The following TENM3 variants were observed in gnomAD, a reference collection of about 807,000 sequenced individuals.
The protein encoded by TENM3 is teneurin-3.
TENM3 carries 63 observed loss-of-function variants against 255.1 expected under a neutral mutation model. That is an observed-to-expected ratio of 0.25 (90% CI 0.20 to 0.30). The LOEUF (loss-of-function observed/expected upper bound fraction) is 0.30, where lower values mean the gene tolerates loss of function less well. Among genes scored for constraint, TENM3 ranks in the 10% least tolerant of loss-of-function variants. The probability of loss-of-function intolerance (pLI) is 1.00; values close to 1 mark genes in which losing one functional copy is unlikely to be tolerated. For missense variants in TENM3, 2,929 were observed against 3,461.1 expected (o/e 0.85, Z 3.86); for synonymous variants, 1,306 against 1,322.3 (o/e 0.99, Z 0.27).
the TENM3 span, among the ~76,000 whole-genome samples, chr4:181,577,987 T>C: frequency 6.6e-6 from 1 of 152,156 alleles, no homozygotes; most frequent in Non-Finnish European, 1.5e-5. Flanking sequence ...TGCTCTTTCA[T>C]GTTGATGAGC....
intron 22 of TENM3, among the ~76,000 whole-genome samples, chr4:182,755,629 A>G (rs1052669891): frequency 1.1e-4 from 16 of 152,080 alleles, no homozygotes; most frequent in Non-Finnish European, 2.2e-4. Context: ...ACGAGGTCAG[A>G]AGATCGAGAC....
At chr4:182,356,938 A>G (rs987481744) in intron 3 of TENM3, among the ~76,000 whole-genome samples, 6 of 141,826 alleles carry the variant, frequency 4.2e-5, no homozygotes, top group South Asian at 2.2e-4. Context: ...TCATTGTTCA[A>G]TTCTCACCTA....
chr4:182,680,777 C>A, intron 10 of TENM3, 40 bp downstream of exon 10: 2 of 1,392,128 alleles, frequency 1.4e-6, no homozygotes, highest in South Asian at 1.6e-5. Context: ...TTGTTATCTT[C>A]ATAAAGAAAC....
At chr4:182,308,450 A>G (rs1410982833) in intron 1 of TENM3, among the ~76,000 whole-genome samples, 8 of 151,844 alleles carry the variant, frequency 5.3e-5, no homozygotes, top group Non-Finnish European at 5.9e-5. Flanking sequence ...CTGAGTAGCT[A>G]GGCCTACAGG....
At chr4:182,394,591 T>C (rs555829886) in intron 3 of TENM3, among the ~76,000 whole-genome samples, 1 of 152,354 alleles carries the variant, frequency 6.6e-6, no homozygotes, top group Admixed American at 6.5e-5. Flanking sequence ...CACAAAGTTC[T>C]AAGTTTTTGT....
intron 4 of TENM3, among the ~76,000 whole-genome samples, chr4:182,613,322 A>G (rs1749181965): frequency 6.6e-6 from 1 of 152,172 alleles, no homozygotes; most frequent in Non-Finnish European, 1.5e-5. Context: ...AAGTAACCAA[A>G]ATGTGAAACA....
chr4:182,142,511 T>A (rs1210756772), upstream of TENM3: 1 of 167,288 alleles, frequency 6.0e-6, no homozygotes, highest in Non-Finnish European at 1.5e-5. Context: ...CAGTGCTCGA[T>A]CTGTTTCTGG....
chr4:181,841,116 T>G, the TENM3 span, among the ~76,000 whole-genome samples: 3 of 152,114 alleles, frequency 2.0e-5, no homozygotes, highest in Admixed American at 6.5e-5. Context: ...TCTTATGGGA[T>G]GTAGATATAT....
the TENM3 span, among the ~76,000 whole-genome samples, chr4:181,673,909 G>C: frequency 2.0e-5 from 3 of 151,598 alleles, no homozygotes; most frequent in Non-Finnish European, 4.4e-5. Context: ...TTATGGCAAA[G>C]AGGCCATGAC....
the TENM3 span, among the ~76,000 whole-genome samples, chr4:181,961,463 T>C: frequency 2.6e-5 from 4 of 152,142 alleles, no homozygotes; most frequent in East Asian, 1.9e-4. Context: ...CTCTGTCACC[T>C]AGGCTGGAGC....
chr4:182,747,490 CT>C (rs1424506153), intron 19 of TENM3, among the ~76,000 whole-genome samples: 3 of 152,136 alleles, frequency 2.0e-5, no homozygotes, highest in Admixed American at 6.5e-5. Context: ...AAATGTCTTT[CT>C]TTTAGATGTA....
the TENM3 span, among the ~76,000 whole-genome samples, chr4:181,489,244 T>G: frequency 6.6e-6 from 1 of 152,226 alleles, no homozygotes; most frequent in Non-Finnish European, 1.5e-5. Context: ...AGAATCATAC[T>G]TGTATCACTT....
intron 3 of TENM3, among the ~76,000 whole-genome samples, chr4:182,374,850 CT>C (rs1382426750): frequency 6.6e-6 from 1 of 152,172 alleles, no homozygotes; most frequent in Non-Finnish European, 1.5e-5. Flanking sequence ...CTCAGGAAAA[CT>C]TAAATTCTCT....
At chr4:181,477,841 A>T in the TENM3 span, among the ~76,000 whole-genome samples, 1 of 152,170 alleles carries the variant, frequency 6.6e-6, no homozygotes, top group Non-Finnish European at 1.5e-5. Context: ...TGAATACTTA[A>T]AGGAGAAAAA....
At chr4:181,667,519 C>T in the TENM3 span, among the ~76,000 whole-genome samples, 1 of 152,112 alleles carries the variant, frequency 6.6e-6, no homozygotes, top group South Asian at 2.1e-4. Context: ...AGCCTCTGCC[C>T]TCAAGTTGGA....
At chr4:181,688,061 A>G in the TENM3 span, among the ~76,000 whole-genome samples, 4 of 152,174 alleles carry the variant, frequency 2.6e-5, no homozygotes, top group African/African-American at 9.6e-5. Context: ...TAATTTACTC[A>G]CAGAAAGTGG....
chr4:182,648,889 T>C (rs1753006172), intron 5 of TENM3, among the ~76,000 whole-genome samples: 2 of 152,212 alleles, frequency 1.3e-5, no homozygotes, highest in Admixed American at 6.5e-5. Flanking sequence ...TCTATATTGT[T>C]GTGTCTGCCA....
the TENM3 span, among the ~76,000 whole-genome samples, chr4:181,766,401 T>A: frequency 6.6e-6 from 1 of 151,136 alleles, no homozygotes; most frequent in Middle Eastern, 3.4e-3. Flanking sequence ...GTAACTCCGT[T>A]GGAAACACAA....
At chr4:181,879,579 T>A in the TENM3 span, among the ~76,000 whole-genome samples, 1 of 152,208 alleles carries the variant, frequency 6.6e-6, no homozygotes, top group African/African-American at 2.4e-5. Flanking sequence ...GTGTTTAATA[T>A]CTACAGTAAC....
Sources: allele counts gnomAD v4.1 joint callset (sites outside exome capture counted in the v4.1 genomes callset), GRCh38; gene constraint gnomAD v4.1.1; transcripts MANE v1.5; gene names NCBI Gene and HGNC (gene_info 2026-07-23, HGNC 2026-07-21).